The following KAZN variants were observed in gnomAD, a reference collection of about 807,000 sequenced individuals.
KAZN encodes the protein kazrin, periplakin interacting protein.
Under a neutral mutation model 87.4 loss-of-function variants are expected in KAZN, and 40 were observed. That is an observed-to-expected ratio of 0.46 (90% CI 0.36 to 0.60). The LOEUF (loss-of-function observed/expected upper bound fraction) is 0.60. KAZN is among the 20% of genes least tolerant of loss of function. KAZN has a pLI of 0.00. For synonymous variants in KAZN, 466 were observed against 458.3 expected (o/e 1.02, Z -0.22); for missense variants, 898 against 1,073.9 (o/e 0.84, Z 2.29).
At chr1:14,924,470 G>A in intron 1 of KAZN, 1 of 992,064 alleles carries the variant, frequency 1.0e-6, no homozygotes, top group Non-Finnish European at 1.2e-6. Flanking sequence ...GCGGCCCCCG[G>A]GACCCGCAGC....
At chr1:14,477,323 G>A (rs1160318201) in intron 2 of KAZN, among the ~76,000 whole-genome samples, 2 of 152,050 alleles carry the variant, frequency 1.3e-5, no homozygotes, top group African/African-American at 4.8e-5. Flanking sequence ...CCCCAGCCAT[G>A]GGGACTGTAA....
At chr1:13,957,960 G>A (rs1641606673) in intron 1 of KAZN, among the ~76,000 whole-genome samples, 1 of 152,188 alleles carries the variant, frequency 6.6e-6, no homozygotes. Context: ...CCAGGGAACA[G>A]GAAACGGAAC....
rs144593843 is a variant in KAZN, at chr1:14,740,338, G to A, written c.226+141115G>A. Among the ~76,000 whole-genome samples, 23 of 152,288 alleles carry A rather than the reference G, an allele frequency of 1.5e-4. 1 individual carries two copies. Among genetic ancestry groups the A allele is most frequent in the African/African-American group, 5.3e-4 (22 of 41,546 alleles). On this transcript the variant is annotated intron_variant, in intron 1 of 14. Coordinates refer to ENST00000376030, the MANE Select transcript of KAZN (RefSeq NM_201628.3). ...CCGATGCAGAGAAAACTTGGTGGAGGGAGTGGAATTTGACTTCCAGTCAAA... is the reference window on the plus strand; with the variant it reads ...CCGATGCAGAGAAAACTTGGTGGAGAGAGTGGAATTTGACTTCCAGTCAAA...
At chr1:14,057,230 G>T (rs1642612052) in intron 1 of KAZN, among the ~76,000 whole-genome samples, 1 of 151,746 alleles carries the variant, frequency 6.6e-6, no homozygotes, top group East Asian at 2.0e-4. Flanking sequence ...TGGCTCCCAG[G>T]TTCAAGTGAT....
chr1:14,632,795 G>A (rs907141467), intron 1 of KAZN, among the ~76,000 whole-genome samples: 5 of 152,078 alleles, frequency 3.3e-5, no homozygotes, highest in African/African-American at 1.2e-4. Flanking sequence ...CTCTGTTGAT[G>A]CTCTTCTTCC....
chr1:15,098,245 A>C (rs1475457514), intron 10 of KAZN, among the ~76,000 whole-genome samples: 1 of 152,256 alleles, frequency 6.6e-6, no homozygotes, highest in Non-Finnish European at 1.5e-5. Flanking sequence ...TGGGGCAGTG[A>C]CAGATTTTAT....
At chr1:14,929,402 C>CA (rs535822016) in intron 1 of KAZN, among the ~76,000 whole-genome samples, 154 of 152,256 alleles carry the variant, frequency 1.0e-3, no homozygotes, top group Non-Finnish European at 2.1e-3. Flanking sequence ...TGTAATACTC[C>CA]AGTTGAGTGA....
At chr1:14,642,059 C>T (rs1373737295) in intron 1 of KAZN, among the ~76,000 whole-genome samples, 2 of 152,116 alleles carry the variant, frequency 1.3e-5, no homozygotes, top group African/African-American at 4.8e-5. Context: ...GACAAAGAAG[C>T]TCGAAAAGAT....
intron 1 of KAZN, among the ~76,000 whole-genome samples, chr1:13,898,752 CCTGT>C (rs754900748): frequency 3.3e-5 from 5 of 152,310 alleles, no homozygotes; most frequent in Middle Eastern, 3.4e-3. Flanking sequence ...GCAAGCCATG[CCTGT>C]CTGTCTGTCT....
chr1:15,016,739 G>A (rs1051261513), intron 2 of KAZN, among the ~76,000 whole-genome samples: 2 of 152,156 alleles, frequency 1.3e-5, no homozygotes, highest in Non-Finnish European at 2.9e-5. Context: ...AAAATACTGA[G>A]CTCTTTGCTG....
At chr1:15,008,500 C>T (rs182467645) in intron 2 of KAZN, among the ~76,000 whole-genome samples, 7 of 152,294 alleles carry the variant, frequency 4.6e-5, no homozygotes, top group South Asian at 4.1e-4. Context: ...TGATGAGGAC[C>T]GGGAATGCCC....
chr1:14,925,861 A>T (rs1240252185), intron 1 of KAZN, among the ~76,000 whole-genome samples: 1 of 152,136 alleles, frequency 6.6e-6, no homozygotes, highest in Non-Finnish European at 1.5e-5. Context: ...CCCCAGTTAC[A>T]CACGGCAGAG....
intron 1 of KAZN, among the ~76,000 whole-genome samples, chr1:14,791,751 G>A (rs1462083814): frequency 6.6e-6 from 1 of 152,238 alleles, no homozygotes. Context: ...AGCAGCTCCC[G>A]GCCTCCCTGG....
intron 1 of KAZN, among the ~76,000 whole-genome samples, chr1:14,701,584 G>A (rs1280303958): frequency 6.6e-6 from 1 of 152,202 alleles, no homozygotes; most frequent in African/African-American, 2.4e-5. Context: ...TTGATCCTAG[G>A]AGTTTGAGAC....
chr1:14,841,663 A>G (rs1270886134), intron 1 of KAZN, among the ~76,000 whole-genome samples: 1 of 152,190 alleles, frequency 6.6e-6, no homozygotes, highest in Non-Finnish European at 1.5e-5. Flanking sequence ...TAACATCAGC[A>G]GCAGTGGGAG....
chr1:13,983,459 G>A (rs1340110019), intron 1 of KAZN, among the ~76,000 whole-genome samples: 1 of 152,240 alleles, frequency 6.6e-6, no homozygotes, highest in East Asian at 1.9e-4. Context: ...TGCTCTGAGT[G>A]CAGGGCCCGC....
intron 2 of KAZN, among the ~76,000 whole-genome samples, chr1:14,479,539 T>C (rs1319127642): frequency 6.6e-6 from 1 of 152,228 alleles, no homozygotes; most frequent in East Asian, 1.9e-4. Flanking sequence ...ACGTTGCCTA[T>C]GCTGTTCCCT....
At chr1:14,187,854 G>A (rs1384830401) in intron 2 of KAZN, among the ~76,000 whole-genome samples, 1 of 152,134 alleles carries the variant, frequency 6.6e-6, no homozygotes, top group African/African-American at 2.4e-5. Context: ...TTTATTTCAA[G>A]CCCTATAATT....
intron 1 of KAZN, among the ~76,000 whole-genome samples, chr1:14,859,966 G>A (rs1353335385): frequency 1.3e-5 from 2 of 152,124 alleles, no homozygotes; most frequent in Non-Finnish European, 1.5e-5. Flanking sequence ...CAGGGCTGCT[G>A]CTGCTTGAGG....
Sources: allele counts gnomAD v4.1 joint callset (sites outside exome capture counted in the v4.1 genomes callset), GRCh38; gene constraint gnomAD v4.1.1; transcripts MANE v1.5; gene names NCBI Gene and HGNC (gene_info 2026-07-23, HGNC 2026-07-21).